The following CEP44 variants were observed in gnomAD, a reference collection of about 807,000 sequenced individuals.
The protein encoded by CEP44 is centrosomal protein of 44 kDa.
In CEP44, 45 loss-of-function variants were observed where a neutral mutation model predicts 46.7. The observed-to-expected ratio is 0.96, with a 90% CI of 0.76 to 1.24. The LOEUF is 1.24. Ranked by LOEUF, CEP44 falls within the 50% of genes most tolerant of loss-of-function variation. The probability of loss-of-function intolerance (pLI) is 0.00; values close to 1 mark genes in which losing one functional copy is unlikely to be tolerated. For missense variants in CEP44, 475 were observed against 459.7 expected (o/e 1.03, Z -0.30); for synonymous variants, 142 against 146.0 (o/e 0.97, Z 0.20).
Position 174,331,396 on chromosome 4 carries a change from T to G in CEP44, c.1087-86T>G. ...GAAGAGGAGGAAATATTAATAGCAC[T>G]CTGACACTGCTCTAATTCCTATCTA... is the stretch of plus-strand genomic sequence containing the variant. On this transcript the variant is annotated intron_variant, in intron 8 of 8. Transcript: ENST00000426172. The surrounding 1 kb of genome is among the most constrained non-coding windows in gnomAD (Gnocchi z 4.5). The G allele has an allele frequency of 1.4e-6, 2 of 1,426,990 alleles. No homozygotes were observed. Among genetic ancestry groups the G allele is most frequent in the Non-Finnish European group, 1.9e-6 (2 of 1,058,908 alleles). The allele number at this position is 1,426,990 out of a possible 1,614,324, so 88.4% of individuals were successfully genotyped here.
chr4:174,294,021 A>G (rs1553980146), intron 1 of CEP44, among the ~76,000 whole-genome samples: 1 of 149,684 alleles, frequency 6.7e-6, no homozygotes, highest in Non-Finnish European at 1.5e-5. Context: ...GAGCCTCTTC[A>G]TATTATTTAC....
In CEP44 at chr4:174,290,726, A is replaced by G. The variant is rs1414947919; in HGVS notation, c.-148+6783A>G. On this transcript the variant is annotated intron_variant, in intron 1 of 11. Transcript: ENST00000503780. This position sits in a 1 kb window ranked among gnomAD's most constrained non-coding sequence, Gnocchi z 4.3. ...TTGGCATTCTGTCTGGATGACCTGTACATTATAGAGAGTGATGTATCAAAG... is the reference window on the plus strand; with the variant it reads ...TTGGCATTCTGTCTGGATGACCTGTGCATTATAGAGAGTGATGTATCAAAG... 6.6e-6 allele frequency among the ~76,000 whole-genome samples: 1 copy of G among 152,190 alleles called. No homozygotes were observed. The highest frequency in any genetic ancestry group is 1.5e-5 in the Non-Finnish European group (1 of 68,024).
rs2126683557 is a variant in CEP44, at chr4:174,320,053, AC to A, written c.*2672del. 1.0e-6 allele frequency: 1 copy of A among 985,062 alleles called. No individual in the cohort carries two copies. 61.0% of individuals were successfully genotyped at this position (985,062 alleles called of 1,614,324 possible). A position where few individuals can be genotyped will look rare whatever the true frequency, so the allele number is the denominator to read the frequency against. The stretch of plus-strand genomic sequence containing the variant: ...AAACTGGTTGAAAAAACACTGTACT[AC>A]CAACAAAGGTGTCAGTTGCTTGTGC... On this transcript the variant is annotated 3_prime_UTR_variant, in exon 12 of 12. Coordinates refer to ENST00000503780, the MANE Select transcript of CEP44 (RefSeq NM_001040157.3).
chr4:174,298,837 A>G (rs138010485), intron 2 of CEP44, among the ~76,000 whole-genome samples: 18 of 152,324 alleles, frequency 1.2e-4, no homozygotes, highest in East Asian at 7.7e-4. Context: ...GATGAATATA[A>G]GGCAAACTTA....
chr4:174,303,545 C>A (rs542188407), intron 4 of CEP44, among the ~76,000 whole-genome samples, 158 bp from the exon 5 acceptor site: 13 of 152,272 alleles, frequency 8.5e-5, no homozygotes, highest in Non-Finnish European at 1.5e-4. Flanking sequence ...TGACTTAACA[C>A]CAGCCCTATG....
downstream of CEP44, among the ~76,000 whole-genome samples, chr4:174,320,769 T>C (rs1742259789): frequency 6.6e-6 from 1 of 150,824 alleles, no homozygotes. Context: ...TCTTATTTAC[T>C]GAACCATTTA....
At chr4:174,328,141 A>G (rs896776257) in intron 8 of CEP44, among the ~76,000 whole-genome samples, 2 of 152,220 alleles carry the variant, frequency 1.3e-5, no homozygotes, top group African/African-American at 2.4e-5. Flanking sequence ...AAGGGGATCA[A>G]TTGGCTCATT....
chr4:174,304,136 T>C (rs1266672019), intron 5 of CEP44, 111 bp from the exon 6 acceptor site: 3 of 1,254,632 alleles, frequency 2.4e-6, no homozygotes, highest in Admixed American at 3.1e-5. Flanking sequence ...TAGAGTCTCA[T>C]TATTTGTCAG....
At chr4:174,284,264 CA>C in intron 1 of CEP44, 1 of 394,792 alleles carries the variant, frequency 2.5e-6, no homozygotes, top group Non-Finnish European at 4.5e-6. Flanking sequence ...TCTTTTAAAT[CA>C]AATGGCGGGA....
intron 9 of CEP44, among the ~76,000 whole-genome samples, chr4:174,313,697 G>A (rs1359142460): frequency 6.6e-6 from 1 of 152,112 alleles, no homozygotes; most frequent in Non-Finnish European, 1.5e-5. Flanking sequence ...ATGATAGTGA[G>A]GATAAAGAGC....
intron 1 of CEP44, among the ~76,000 whole-genome samples, chr4:174,294,563 C>A (rs1190871043): frequency 6.6e-6 from 1 of 151,908 alleles, no homozygotes; most frequent in East Asian, 2.0e-4. Flanking sequence ...GTTGGGTACA[C>A]CTCCCAGACG....
chr4:174,285,017 A>T (rs180730980), intron 1 of CEP44, among the ~76,000 whole-genome samples: 105 of 152,286 alleles, frequency 6.9e-4, no homozygotes, highest in African/African-American at 2.2e-3. Context: ...TGAAAATCCT[A>T]AACTGCTAGA....
At chr4:174,306,195 G>A (rs1443859315) in intron 6 of CEP44, among the ~76,000 whole-genome samples, 1 of 152,046 alleles carries the variant, frequency 6.6e-6, no homozygotes, top group Non-Finnish European at 1.5e-5. Context: ...GGATTTCTAG[G>A]TAAATGCATA....
rs1026446922 is a variant in CEP44, at chr4:174,319,024, T to C, written c.*1641T>C. 8 of 439,366 alleles carry C rather than the reference T, an allele frequency of 1.8e-5. No homozygotes were observed. The highest frequency in any genetic ancestry group is 2.4e-5 in the Non-Finnish European group (8 of 331,580). The allele number at this position is 439,366 out of a possible 1,614,324, so 27.2% of individuals were successfully genotyped here. A position where few individuals can be genotyped will look rare whatever the true frequency, so the allele number is the denominator to read the frequency against. On this transcript the variant is annotated 3_prime_UTR_variant, in exon 12 of 12. Transcript: ENST00000503780. ...GGGTTTCACCATGTTGCCCAGTCTG[T>C]TCTCAAACTCGTGAGCTAAAGCTAC...
chr4:174,307,902 A>G (rs1426933120), intron 6 of CEP44, among the ~76,000 whole-genome samples: 1 of 152,186 alleles, frequency 6.6e-6, no homozygotes, highest in African/African-American at 2.4e-5. Flanking sequence ...CATAACCACA[A>G]TGAGATACCA....
At chr4:174,284,956 T>A (rs571488683) in intron 1 of CEP44, among the ~76,000 whole-genome samples, 1 of 152,332 alleles carries the variant, frequency 6.6e-6, no homozygotes, top group South Asian at 2.1e-4. Context: ...TGACATTCTA[T>A]TGGGAGGCAT....
chr4:174,326,911 TTGTC>T lies in CEP44; in HGVS notation c.1087-4568_1087-4565del, dbSNP rs1742705921. The stretch of plus-strand genomic sequence containing the variant: ...TTTATGGAATCTGTCTTTTTTTACT[TTGTC>T]TGCTTTGCTACATTTGAGATTTCTC... On this transcript the variant is annotated intron_variant, in intron 8 of 8. Coordinates refer to the CEP44 transcript ENST00000426172. This position sits in a 1 kb window ranked among gnomAD's most constrained non-coding sequence, Gnocchi z 4.8. Among the ~76,000 whole-genome samples the T allele has an allele frequency of 6.6e-6, 1 of 151,942 alleles. No individual in the cohort carries two copies. The highest frequency in any genetic ancestry group is 1.5e-5 in the Non-Finnish European group (1 of 67,920).
chr4:174,331,752 C>G lies in CEP44; in HGVS notation c.*157C>G, dbSNP rs549835244. 243 of 931,234 alleles carry G rather than the reference C, an allele frequency of 2.6e-4. 1 individual carries two copies. Among genetic ancestry groups the G allele is most frequent in the Non-Finnish European group, 3.3e-4 (221 of 664,302 alleles). 57.7% of individuals were successfully genotyped at this position (931,234 alleles called of 1,614,324 possible). On this transcript the variant is annotated 3_prime_UTR_variant, in exon 9 of 9. Transcript: ENST00000426172. This position sits in a 1 kb window ranked among gnomAD's most constrained non-coding sequence, Gnocchi z 4.5. The stretch of plus-strand genomic sequence containing the variant: ...ATCAAAACTGATGACTTTTTCCTTC[C>G]TGCTACATGGGTAACACTTAGTTGT...
intron 2 of CEP44, among the ~76,000 whole-genome samples, chr4:174,298,676 C>T (rs1371679425): frequency 6.6e-6 from 1 of 151,976 alleles, no homozygotes; most frequent in East Asian, 1.9e-4. Context: ...AATTTGTCTC[C>T]ATTTTTTATT....
Sources: allele counts gnomAD v4.1 joint callset (sites outside exome capture counted in the v4.1 genomes callset), GRCh38; gene constraint gnomAD v4.1.1; non-coding constraint Gnocchi (gnomAD v3.1); transcripts MANE v1.5; gene names NCBI Gene and HGNC (gene_info 2026-07-23, HGNC 2026-07-21).